The following SNED1 variants were observed in gnomAD, a reference collection of about 807,000 sequenced individuals.
The protein encoded by SNED1 is sushi, nidogen and EGF-like domain-containing protein 1.
A neutral mutation model predicts 166.7 loss-of-function variants in SNED1; 81 were observed. The observed-to-expected ratio is 0.49, with a 90% CI of 0.41 to 0.58. The LOEUF is 0.58. Among genes scored for constraint, SNED1 ranks in the 20% least tolerant of loss-of-function variants. The probability of loss-of-function intolerance (pLI) is 0.00; values close to 1 mark genes in which losing one functional copy is unlikely to be tolerated. For missense variants in SNED1, 1,604 were observed against 2,000.2 expected (o/e 0.80, Z 3.78); for synonymous variants, 762 against 822.0 (o/e 0.93, Z 1.25).
chr2:241,081,359 C>T lies in SNED1; in HGVS notation c.3917-318C>T, dbSNP rs1023381853. Among the ~76,000 whole-genome samples the T allele has an allele frequency of 5.3e-5, 8 of 152,176 alleles. No individual in the cohort carries two copies. In the East Asian group the frequency reaches 1.2e-3, roughly 22 times the overall value. On this transcript the variant is annotated intron_variant, in intron 27 of 31. Transcript: ENST00000310397. Reference sequence around the variant, plus strand: ...GAGGGGCCACAGGCCAGTGGGGGCTCAGCACTGAAGGCCCCGCTCCTCCCT... The same window carrying T: ...GAGGGGCCACAGGCCAGTGGGGGCTTAGCACTGAAGGCCCCGCTCCTCCCT...
At position 241,036,154 on chromosome 2, in the gene SNED1, G is replaced by C. The variant is rs186032085; in HGVS notation, c.806-636G>C. ...TGGGGAGAGCACCGCGCGCTCATGG[G>C]AAGAGGAAAGATGCAGTCGCAGGGC... is the stretch of plus-strand genomic sequence containing the variant. On this transcript the variant is annotated intron_variant, in intron 4 of 31. Transcript: ENST00000310397. 3.4e-3 allele frequency among the ~76,000 whole-genome samples: 512 copies of C among 151,136 alleles called. 2 individuals are homozygous for C. Among genetic ancestry groups the C allele is most frequent in the African/African-American group, 0.012 (492 of 40,998 alleles).
In SNED1 at chr2:240,999,189, T is replaced by C; in HGVS notation, c.213+139T>C. The stretch of plus-strand genomic sequence containing the variant: ...GCCCGAGGTGGAATGAGGACAGCGC[T>C]TCCTCCTCGGCGGCCAAGGCCGGAC... On this transcript the variant is annotated intron_variant, in intron 1 of 31. Transcript: ENST00000310397. This position sits in a 1 kb window ranked among gnomAD's most constrained non-coding sequence, Gnocchi z 5.8. 1 of 401,516 alleles carries C rather than the reference T, an allele frequency of 2.5e-6. No individual in the cohort carries two copies. Among genetic ancestry groups the C allele is most frequent in the Non-Finnish European group, 3.9e-6 (1 of 256,742 alleles). 24.9% of individuals were successfully genotyped at this position (401,516 alleles called of 1,614,324 possible).
chr2:241,011,140 GTTCTCCTGGGTCTCCTGGGGGTGGC>G, intron 1 of SNED1, among the ~76,000 whole-genome samples: 3 of 117,984 alleles, frequency 2.5e-5, no homozygotes, highest in African/African-American at 1.2e-4. Flanking sequence ...AGGTCTCCTG[GTTCTCCTGGGTCTCCTGGGGGTGGC>G]AGGTCTCCTG....
chr2:241,076,264 C>T (rs1037435363), intron 27 of SNED1, among the ~76,000 whole-genome samples: 8 of 152,108 alleles, frequency 5.3e-5, no homozygotes, highest in Admixed American at 2.6e-4. Context: ...AAGTCTATAT[C>T]CATGGACATG....
chr2:241,034,403 A>G lies in SNED1; in HGVS notation c.643-165A>G, dbSNP rs1001083747. 7.2e-5 allele frequency among the ~76,000 whole-genome samples: 11 copies of G among 152,110 alleles called. No individual in the cohort carries two copies. In the East Asian group the frequency reaches 1.9e-3, roughly 27 times the overall value. ...GAGCTGCCGGAGGACTGGGCTGGGG[A>G]GCCAGGGCCAGCCCTCTCCTTGGCT... On this transcript the variant is annotated intron_variant, in intron 3 of 31. Coordinates refer to ENST00000310397, the MANE Select transcript of SNED1 (RefSeq NM_001080437.3).
Position 241,073,479 on chromosome 2 carries a change from C to CCCTCAGGTAGGCT in SNED1, c.3916+116_3916+117insCTCAGGTAGGCTC. The CCCTCAGGTAGGCT allele has an allele frequency of 4.6e-6, 4 of 866,822 alleles. No individual in the cohort carries two copies. The highest frequency in any genetic ancestry group is 7.6e-6 in the Non-Finnish European group (4 of 527,178). The allele number at this position is 866,822 out of a possible 1,614,324, so 53.7% of individuals were successfully genotyped here. A position where few individuals can be genotyped will look rare whatever the true frequency, so the allele number is the denominator to read the frequency against. ...GAGGAATCAGGAGGCACAGAGCCTA[C>CCCTCAGGTAGGCT]CTGAGGGGAGGCTGAGCACCAGGCA... On this transcript the variant is annotated intron_variant, in intron 27 of 31. Transcript: ENST00000310397. This position sits in a 1 kb window ranked among gnomAD's most constrained non-coding sequence, Gnocchi z 6.6.
intron 2 of SNED1, 28 bp from the exon 3 acceptor site, chr2:241,033,707 G>T (rs753434316): frequency 1.5e-5 from 24 of 1,602,004 alleles, no homozygotes; most frequent in Admixed American, 5.1e-5. Context: ...GGAGTGCAGG[G>T]CCCTGTTCAG....
At chr2:241,042,602 T>C (rs1386875922) in intron 8 of SNED1, among the ~76,000 whole-genome samples, 1 of 152,124 alleles carries the variant, frequency 6.6e-6, no homozygotes, top group South Asian at 2.1e-4. Context: ...GATACAAATG[T>C]TTAATTATCT....
chr2:241,014,997 G>A (rs978132621), intron 1 of SNED1, among the ~76,000 whole-genome samples: 2 of 152,208 alleles, frequency 1.3e-5, no homozygotes, highest in African/African-American at 4.8e-5. Flanking sequence ...AGCCAGGAGC[G>A]TTGGGCTAAC....
At chr2:241,037,589 G>A (rs536369964) in intron 6 of SNED1, among the ~76,000 whole-genome samples, 28 of 152,292 alleles carry the variant, frequency 1.8e-4, no homozygotes, top group African/African-American at 5.3e-4. Context: ...CATGGCATTC[G>A]GACCAGGGAT....
intron 1 of SNED1, among the ~76,000 whole-genome samples, chr2:241,003,125 CG>C (rs1226750408): frequency 9.3e-5 from 14 of 150,832 alleles, no homozygotes; most frequent in African/African-American, 3.4e-4. Flanking sequence ...CGCCCTCCCC[CG>C]GGCCCCCCGC....
At chr2:241,088,228 G>T in intron 30 of SNED1, 137 bp from the exon 31 acceptor site, 1 of 706,268 alleles carries the variant, frequency 1.4e-6, no homozygotes. Flanking sequence ...GCGGTGTCTG[G>T]ACTAATGGTG....
At chr2:241,042,019 C>A (rs952461713) in intron 8 of SNED1, among the ~76,000 whole-genome samples, 3 of 152,146 alleles carry the variant, frequency 2.0e-5, no homozygotes, top group Admixed American at 6.5e-5. Context: ...TACAATTGCC[C>A]CAGATTCTGC....
At position 241,092,276 on chromosome 2, in the gene SNED1, G is replaced by A. The variant is rs2064078241; in HGVS notation, c.*640G>A. ...GGAGTTCAGACTTTTTTAGACAACG[G>A]CGCGACTGGCAGCCTTTCTCTATCA... On this transcript the variant is annotated 3_prime_UTR_variant, in exon 32 of 32. Coordinates refer to ENST00000310397, the MANE Select transcript of SNED1 (RefSeq NM_001080437.3). This position sits in a 1 kb window ranked among gnomAD's most constrained non-coding sequence, Gnocchi z 4.6. 6.6e-6 allele frequency: 1 copy of A among 152,152 alleles called. No individual in the cohort carries two copies. Among genetic ancestry groups the A allele is most frequent in the Admixed American group, 6.5e-5 (1 of 15,286 alleles). 9.4% of individuals were successfully genotyped at this position (152,152 alleles called of 1,614,324 possible).
Position 241,088,522 on chromosome 2 carries a change from C to T in SNED1, c.*1+120C>T, listed in dbSNP as rs529117590. 18 of 800,834 alleles carry T rather than the reference C, an allele frequency of 2.2e-5. 1 individual carries two copies. Among genetic ancestry groups the T allele is most frequent in the African/African-American group, 8.5e-5 (5 of 58,724 alleles). The allele number at this position is 800,834 out of a possible 1,614,324, so 49.6% of individuals were successfully genotyped here. ...TTACTCAGCACTGCTAAAGGAAGCG[C>T]GGTCCTGTGCTGCTGTGTTACAGAC... On this transcript the variant is annotated intron_variant, in intron 31 of 31. Transcript: ENST00000310397.
rs2060682464 is a variant in SNED1, at chr2:241,018,907, TATC to T, written c.214-11375_214-11373del. ...GGGGCAGCTGTCAGGGAAAGAGCCTTATCAGGCCCAGAAACGGTCAGGGCCAAA... is the reference window on the plus strand; with the variant it reads ...GGGGCAGCTGTCAGGGAAAGAGCCTTAGGCCCAGAAACGGTCAGGGCCAAA... On this transcript the variant is annotated intron_variant, in intron 1 of 31. Transcript: ENST00000310397. This position sits in a 1 kb window ranked among gnomAD's most constrained non-coding sequence, Gnocchi z 5.4. 6.6e-6 allele frequency among the ~76,000 whole-genome samples: 1 copy of T among 151,966 alleles called. No individual in the cohort carries two copies. The highest frequency in any genetic ancestry group is 2.1e-4 in the South Asian group (1 of 4,814).
rs370448096 is a variant in SNED1 at position 241,049,804 on chromosome 2, C to T, written c.1619-13C>T. Reference sequence around the variant, plus strand: ...CGTAAGCTCCAGGACCACCCTCTGTCCCCCGCCCCCAGCCCTGCCATCACC... The same window carrying T: ...CGTAAGCTCCAGGACCACCCTCTGTTCCCCGCCCCCAGCCCTGCCATCACC... On this transcript the variant is annotated splice_polypyrimidine_tract_variant and intron_variant, in intron 11 of 31. Transcript: ENST00000310397. 2.4e-5 allele frequency: 39 copies of T among 1,604,522 alleles called. No individual in the cohort carries two copies. The African/African-American group carries it at 4.8e-4, about 20-fold the overall frequency.
At position 240,999,507 on chromosome 2, in the gene SNED1, G is replaced by A. The variant is rs944820492; in HGVS notation, c.213+457G>A. On this transcript the variant is annotated intron_variant, in intron 1 of 31. Transcript: ENST00000310397. The surrounding 1 kb of genome is among the most constrained non-coding windows in gnomAD (Gnocchi z 5.8). Reference sequence around the variant, plus strand: ...TCAGCCCCGCCCCCCGTGGACGCCAGTGCGGCCCAGAGCCAGGAGGCTGGA... The same window carrying A: ...TCAGCCCCGCCCCCCGTGGACGCCAATGCGGCCCAGAGCCAGGAGGCTGGA... Among the ~76,000 whole-genome samples the A allele has an allele frequency of 1.3e-5, 2 of 152,238 alleles. No homozygotes were observed. Among genetic ancestry groups the A allele is most frequent in the East Asian group, 3.9e-4 (2 of 5,188 alleles).
chr2:241,064,989 C>A lies in SNED1; in HGVS notation c.2713+32C>A. ...GGCGAGGGCGCCTCCAGTGAGGGAGCCACGAGGGGGTCCCCTCTCCCTAGA... is the reference window on the plus strand; with the variant it reads ...GGCGAGGGCGCCTCCAGTGAGGGAGACACGAGGGGGTCCCCTCTCCCTAGA... On this transcript the variant is annotated intron_variant, in intron 20 of 31. Transcript: ENST00000310397. The surrounding 1 kb of genome is among the most constrained non-coding windows in gnomAD (Gnocchi z 7.0). 6.7e-7 allele frequency: 1 copy of A among 1,495,364 alleles called. No individual in the cohort carries two copies. Among genetic ancestry groups the A allele is most frequent in the Non-Finnish European group, 9.0e-7 (1 of 1,109,442 alleles). 92.6% of individuals were successfully genotyped at this position (1,495,364 alleles called of 1,614,324 possible).
Sources: allele counts gnomAD v4.1 joint callset (sites outside exome capture counted in the v4.1 genomes callset), GRCh38; gene constraint gnomAD v4.1.1; non-coding constraint Gnocchi (gnomAD v3.1); transcripts MANE v1.5; gene names NCBI Gene and HGNC (gene_info 2026-07-23, HGNC 2026-07-21).